CAMTA1: variants seen among roughly 807,000 people sequenced by gnomAD.
CAMTA1 encodes calmodulin binding transcription activator 1, also known as calmodulin-binding transcription activator 1.
Under a neutral mutation model 170.9 loss-of-function variants are expected in CAMTA1, and 27 were observed. The ratio of observed to expected loss-of-function variants is 0.16; its 90% CI spans 0.12 to 0.22. CAMTA1 has a LOEUF of 0.22. Ranked by LOEUF, CAMTA1 falls within the 10% of genes least tolerant of loss-of-function variation. The pLI is 1.00. For synonymous variants in CAMTA1, 833 were observed against 891.5 expected, an observed-to-expected ratio of 0.93 and a Z score of 1.17; for missense variants, 1,619 against 2,217.2, an observed-to-expected ratio of 0.73 and a Z score of 5.42.
intron 5 of CAMTA1, among the ~76,000 whole-genome samples, chr1:7,281,983 C>T (rs1329994516): frequency 6.6e-6 from 1 of 152,158 alleles, no homozygotes; most frequent in East Asian, 1.9e-4. Flanking sequence ...CTTTCTGTGT[C>T]ATCCTGAAGA....
At position 7,515,189 on chromosome 1, in the gene CAMTA1, G is replaced by A. The variant is rs149237192; in HGVS notation, c.510+47288G>A. ...CCCTCCACCTGGGATCATCAGGCTG[G>A]TCCTCCCCGGCTGCCTCCACCTGGG... On this transcript the variant is annotated intron_variant, in intron 6 of 22. Coordinates refer to ENST00000303635, the MANE Select transcript of CAMTA1 (RefSeq NM_015215.4). 5.6e-3 allele frequency among the ~76,000 whole-genome samples: 849 copies of A among 151,782 alleles called. 15 individuals are homozygous for A. Among genetic ancestry groups the A allele is most frequent in the African/African-American group, 0.019 (795 of 41,108 alleles).
At chr1:7,281,616 C>T (rs1346987102) in intron 5 of CAMTA1, among the ~76,000 whole-genome samples, 1 of 152,112 alleles carries the variant, frequency 6.6e-6, no homozygotes, top group Non-Finnish European at 1.5e-5. Flanking sequence ...CTGTGAGTAT[C>T]AATATAATTG....
At chr1:6,861,248 G>C (rs937126347) in intron 3 of CAMTA1, among the ~76,000 whole-genome samples, 1 of 152,088 alleles carries the variant, frequency 6.6e-6, no homozygotes, top group Non-Finnish European at 1.5e-5. Flanking sequence ...GAGCCACTGC[G>C]CCTGGCCATG....
intron 3 of CAMTA1, among the ~76,000 whole-genome samples, chr1:6,902,078 A>AAAAT (rs1553180484): frequency 1.1e-3 from 95 of 86,522 alleles, no homozygotes; most frequent in African/African-American, 3.2e-3. Context: ...CACACAAAAA[A>AAAAT]AAAAATAAAA....
chr1:7,559,239 G>A (rs2094924694), intron 6 of CAMTA1, among the ~76,000 whole-genome samples: 1 of 152,142 alleles, frequency 6.6e-6, no homozygotes, highest in African/African-American at 2.4e-5. Flanking sequence ...CCCCAGACAT[G>A]GGCCTTGTGC....
At chr1:7,171,871 C>A (rs955180041) in intron 4 of CAMTA1, among the ~76,000 whole-genome samples, 2 of 152,144 alleles carry the variant, frequency 1.3e-5, no homozygotes, top group Non-Finnish European at 2.9e-5. Flanking sequence ...TAATATGTGA[C>A]CTTGTTGACT....
intron 5 of CAMTA1, among the ~76,000 whole-genome samples, chr1:7,416,504 T>G (rs911665726): frequency 2.6e-5 from 4 of 152,236 alleles, no homozygotes; most frequent in African/African-American, 9.6e-5. Flanking sequence ...CTTCATTTCA[T>G]TCATTTGATC....
At chr1:7,421,401 G>A (rs960612324) in intron 5 of CAMTA1, among the ~76,000 whole-genome samples, 19 of 152,214 alleles carry the variant, frequency 1.2e-4, no homozygotes, top group Middle Eastern at 6.8e-3. Context: ...TCATCCGCCC[G>A]TCCCGGCCTC....
At chr1:7,142,658 G>T (rs149782980) in intron 4 of CAMTA1, among the ~76,000 whole-genome samples, 2 of 152,320 alleles carry the variant, frequency 1.3e-5, no homozygotes, top group East Asian at 3.9e-4. Flanking sequence ...GTTTAAAAGA[G>T]CCTGGCACAT....
rs1473795774 is a variant in CAMTA1 at position 7,738,536 on chromosome 1, T to C, written c.4182+54T>C. 24 of 1,555,194 alleles carry C rather than the reference T, an allele frequency of 1.5e-5. No homozygotes were observed. Among genetic ancestry groups the C allele is most frequent in the Non-Finnish European group, 2.1e-5 (24 of 1,146,772 alleles). On this transcript the variant is annotated intron_variant, in intron 16 of 22. Transcript: ENST00000303635. The surrounding 1 kb of genome is among the most constrained non-coding windows in gnomAD (Gnocchi z 4.9). ...AGAGGCTGGTGCGTTCCAGTTGCTG[T>C]GATCTTTATGGTCCATTTCCGAAGG... is the stretch of plus-strand genomic sequence containing the variant.
chr1:7,479,047 T>C (rs1213738416), intron 6 of CAMTA1, among the ~76,000 whole-genome samples: 1 of 152,328 alleles, frequency 6.6e-6, no homozygotes, highest in East Asian at 1.9e-4. Context: ...TGACCCACTC[T>C]GCGTGTGGAC....
chr1:6,878,136 C>T (rs560119959), intron 3 of CAMTA1, among the ~76,000 whole-genome samples: 6 of 152,346 alleles, frequency 3.9e-5, no homozygotes, highest in African/African-American at 7.2e-5. Flanking sequence ...CGTGGCTTTT[C>T]GATCTTGCAA....
At chr1:7,716,064 A>T (rs2096607549) in intron 11 of CAMTA1, among the ~76,000 whole-genome samples, 1 of 152,086 alleles carries the variant, frequency 6.6e-6, no homozygotes, top group Admixed American at 6.6e-5. Context: ...ACAGGGTCTC[A>T]CTCTGTTGCC....
intron 3 of CAMTA1, among the ~76,000 whole-genome samples, chr1:6,830,694 AT>A (rs1482293353): frequency 6.6e-6 from 1 of 152,156 alleles, no homozygotes; most frequent in Non-Finnish European, 1.5e-5. Flanking sequence ...AACTGCACCC[AT>A]TTGAAGTGCA....
At chr1:7,352,895 C>T (rs1437210993) in intron 5 of CAMTA1, among the ~76,000 whole-genome samples, 2 of 152,248 alleles carry the variant, frequency 1.3e-5, no homozygotes, top group African/African-American at 4.8e-5. Context: ...GTGAGCCAGC[C>T]TCATCGAGGA....
intron 6 of CAMTA1, among the ~76,000 whole-genome samples, chr1:7,602,080 TTTCCTTCC>T (rs757245897): frequency 0.065 from 4,583 of 70,988 alleles, 168 homozygotes; most frequent in Non-Finnish European, 0.069. Flanking sequence ...TCCAATTTTC[TTTCCTTCC>T]TTCCTTCCTT....
At chr1:7,289,176 C>G (rs1047038566) in intron 5 of CAMTA1, among the ~76,000 whole-genome samples, 1 of 152,124 alleles carries the variant, frequency 6.6e-6, no homozygotes, top group African/African-American at 2.4e-5. Flanking sequence ...CCCCCATGAT[C>G]CAATCACCTC....
intron 11 of CAMTA1, among the ~76,000 whole-genome samples, chr1:7,707,085 T>C (rs1487625485): frequency 6.6e-6 from 1 of 151,870 alleles, no homozygotes; most frequent in Non-Finnish European, 1.5e-5. Context: ...GGGGTTTCAC[T>C]ATGTTGGCCA....
intron 5 of CAMTA1, among the ~76,000 whole-genome samples, chr1:7,319,952 G>A (rs1240997267): frequency 1.3e-5 from 2 of 151,976 alleles, no homozygotes; most frequent in African/African-American, 4.8e-5. Flanking sequence ...TGTGGGCCTT[G>A]TACCCAGCAT....
Sources: allele counts gnomAD v4.1 joint callset (sites outside exome capture counted in the v4.1 genomes callset), GRCh38; gene constraint gnomAD v4.1.1; non-coding constraint Gnocchi (gnomAD v3.1); transcripts MANE v1.5; gene names NCBI Gene and HGNC (gene_info 2026-07-23, HGNC 2026-07-21).